Variants in PAX3 observed in about 807,000 individuals in gnomAD.
The protein encoded by PAX3 is paired box 3.
Under a neutral mutation model 51.6 loss-of-function variants are expected in PAX3, and 14 were observed. The observed-to-expected ratio is 0.27, with a 90% CI of 0.18 to 0.42. PAX3 has a LOEUF of 0.42. Among genes scored for constraint, PAX3 ranks in the 10% least tolerant of loss-of-function variants. The pLI is 1.00. For synonymous variants in PAX3, 280 were observed against 253.4 expected (o/e 1.11, Z -1.00); for missense variants, 540 against 642.8 (o/e 0.84, Z 1.73).
chr2:222,208,874 A>G (rs1401543960), intron 7 of PAX3, among the ~76,000 whole-genome samples: 3 of 152,136 alleles, frequency 2.0e-5, no homozygotes, highest in Non-Finnish European at 4.4e-5. Context: ...TGGCATTCAA[A>G]ATTTTCTCTC....
At chr2:222,241,781 TCAAA>T (rs1399268656) in intron 4 of PAX3, among the ~76,000 whole-genome samples, 1 of 152,352 alleles carries the variant, frequency 6.6e-6, no homozygotes, top group African/African-American at 2.4e-5. Context: ...AAAGAACACT[TCAAA>T]CAATTTGAAA....
At chr2:222,204,416 T>C (rs938822473) in intron 7 of PAX3, among the ~76,000 whole-genome samples, 2 of 152,216 alleles carry the variant, frequency 1.3e-5, no homozygotes, top group African/African-American at 4.8e-5. Context: ...TATAAGTGTA[T>C]ACTTGGAAAA....
intron 4 of PAX3, among the ~76,000 whole-genome samples, chr2:222,291,505 C>T (rs1695037630): frequency 6.6e-6 from 1 of 152,180 alleles, no homozygotes; most frequent in Non-Finnish European, 1.5e-5. Context: ...TGGGAGAAAG[C>T]CACTGGAGAG....
chr2:222,279,613 T>G (rs1037814015), intron 4 of PAX3, among the ~76,000 whole-genome samples: 4 of 152,236 alleles, frequency 2.6e-5, no homozygotes, highest in Non-Finnish European at 4.4e-5. Context: ...CTTTTTATTT[T>G]TCCTGAAGTT....
Position 222,201,128 on chromosome 2 carries a change from T to C in PAX3, c.*280A>G, listed in dbSNP as rs1447002136. 1.9e-6 allele frequency: 3 copies of C among 1,602,820 alleles called. No homozygotes were observed. The highest frequency in any genetic ancestry group is 1.3e-5 in the African/African-American group (1 of 74,752). On this transcript the variant is annotated 3_prime_UTR_variant, in exon 9 of 9. Transcript: ENST00000392070. ...GCACTAAAGAATTGGGATGTTTTGA[T>C]ATGTAACCATGTGAAACCATTGCCT...
chr2:222,289,163 C>A (rs1190186045), intron 4 of PAX3, among the ~76,000 whole-genome samples: 1 of 152,018 alleles, frequency 6.6e-6, no homozygotes, highest in African/African-American at 2.4e-5. Context: ...CTTTATTTAC[C>A]CTCATAGATA....
At chr2:222,217,714 C>G (rs1692021757) in intron 7 of PAX3, among the ~76,000 whole-genome samples, 1 of 152,200 alleles carries the variant, frequency 6.6e-6, no homozygotes, top group Admixed American at 6.6e-5. Flanking sequence ...AAGCCTTTCT[C>G]TAGTCTCTTC....
rs954772828 is a variant in PAX3, at chr2:222,201,197, C to T, written c.*211G>A. The T allele has an allele frequency of 1.2e-6, 2 of 1,613,986 alleles. No individual in the cohort carries two copies. The highest frequency in any genetic ancestry group is 1.3e-5 in the African/African-American group (1 of 74,928). On this transcript the variant is annotated 3_prime_UTR_variant, in exon 9 of 9. Transcript: ENST00000392070. ...TTTTATTGCTCCAGGTCTTCCTCTT[C>T]TCCACTGCTTTTGTCGAACGTGTTC...
chr2:222,298,250 C>T, intron 1 of PAX3: 1 of 498,214 alleles, frequency 2.0e-6, no homozygotes, highest in Non-Finnish European at 3.6e-6. Flanking sequence ...GGTTCACCTC[C>T]TTCTCCACCG....
chr2:222,221,109 A>C, intron 6 of PAX3, 113 bp downstream of exon 6: 3 of 995,526 alleles, frequency 3.0e-6, no homozygotes, highest in Non-Finnish European at 4.9e-6. Context: ...AACCTGATGT[A>C]TTACAATTAA....
intron 4 of PAX3, among the ~76,000 whole-genome samples, chr2:222,241,179 A>G (rs1693001310): frequency 6.6e-6 from 1 of 152,168 alleles, no homozygotes; most frequent in Non-Finnish European, 1.5e-5. Context: ...TAATTTGCAC[A>G]CTGAAGGGGA....
At chr2:222,297,998 A>G (rs1468839225) in intron 1 of PAX3, 1 of 154,300 alleles carries the variant, frequency 6.5e-6, no homozygotes, top group Non-Finnish European at 1.4e-5. Flanking sequence ...TAAACAAGTT[A>G]TAGAAACTTC....
rs149087277 is a variant in PAX3, at chr2:222,271,037, T to G, written c.586+23130A>C. ...TCAACAGATTCTAAGTAAATAATAC[T>G]TTATATTTGCTCAGGACTTCTGATG... On this transcript the variant is annotated intron_variant, in intron 4 of 8. Transcript: ENST00000392070. Among the ~76,000 whole-genome samples the G allele has an allele frequency of 7.6e-4, 116 of 152,320 alleles. 1 individual carries two copies. The highest frequency in any genetic ancestry group is 2.6e-3 in the African/African-American group (108 of 41,572).
intron 4 of PAX3, among the ~76,000 whole-genome samples, chr2:222,248,012 T>C (rs1395410104): frequency 1.3e-5 from 2 of 152,334 alleles, no homozygotes; most frequent in Middle Eastern, 3.4e-3. Context: ...GCTTCAAAGA[T>C]AATCATCAGT....
intron 4 of PAX3, among the ~76,000 whole-genome samples, chr2:222,265,692 G>GGAAGGA (rs1559296349): frequency 2.2e-4 from 6 of 26,956 alleles, no homozygotes; most frequent in African/African-American, 6.1e-4. Flanking sequence ...GGAAGGAAGG[G>GGAAGGA]AGAAAGATTG....
Position 222,218,673 on chromosome 2 carries a change from T to A in PAX3, c.1173+1467A>T, listed in dbSNP as rs552883966. On this transcript the variant is annotated intron_variant, in intron 7 of 8. Coordinates refer to ENST00000392070, the MANE Select transcript of PAX3 (RefSeq NM_181458.4). ...TTAAGGATGACTCTATCAATATAAG[T>A]CCATGATTTTCATGCAGAAATCACA... 2.6e-5 allele frequency among the ~76,000 whole-genome samples: 4 copies of A among 152,282 alleles called. No homozygotes were observed. In the South Asian group the frequency reaches 8.3e-4, roughly 32 times the overall value.
intron 4 of PAX3, among the ~76,000 whole-genome samples, chr2:222,270,455 T>TAAATTGG (rs1694210950): frequency 6.6e-6 from 1 of 152,192 alleles, no homozygotes; most frequent in African/African-American, 2.4e-5. Context: ...AATTTTGCAT[T>TAAATTGG]CGTGCAATAA....
intron 6 of PAX3, 113 bp downstream of exon 6, chr2:222,221,109 A>ACG: frequency 1.0e-6 from 1 of 995,526 alleles, no homozygotes; most frequent in Non-Finnish European, 1.6e-6. Context: ...AACCTGATGT[A>ACG]TTACAATTAA....
chr2:222,219,868 C>G (rs1692115590), intron 7 of PAX3, among the ~76,000 whole-genome samples: 1 of 152,142 alleles, frequency 6.6e-6, no homozygotes, highest in Non-Finnish European at 1.5e-5. Context: ...ATGGAGAAGA[C>G]AAAACATGGC....
Sources: gnomAD v4.1 joint callset for allele counts (sites outside exome capture counted in the v4.1 genomes callset) on GRCh38, gnomAD v4.1.1 for gene constraint, MANE v1.5 for transcripts, NCBI Gene and HGNC (gene_info 2026-07-23, HGNC 2026-07-21) for gene names.